Variants in WDR5 observed in about 807,000 individuals in gnomAD.
The protein encoded by WDR5 is WD repeat-containing protein 5.
For missense variants in WDR5, 187 were observed against 416.9 expected, an observed-to-expected ratio of 0.45 and a Z score of 4.80; for synonymous variants, 144 against 161.6, an observed-to-expected ratio of 0.89 and a Z score of 0.83.
chr9:134,150,734 G>A (rs1832447395), intron 8 of WDR5, among the ~76,000 whole-genome samples: 1 of 152,158 alleles, frequency 6.6e-6, no homozygotes, highest in South Asian at 2.1e-4. Flanking sequence ...AGTTACCACG[G>A]TCTCTCAGTT....
intron 12 of WDR5, among the ~76,000 whole-genome samples, chr9:134,156,094 C>G (rs375628063): frequency 3.3e-5 from 5 of 152,234 alleles, no homozygotes; most frequent in Non-Finnish European, 7.3e-5. Flanking sequence ...CCGGGGCTGT[C>G]GTCCACCGGC....
chr9:134,154,911 G>A (rs1292525032), intron 10 of WDR5, among the ~76,000 whole-genome samples: 4 of 152,198 alleles, frequency 2.6e-5, no homozygotes, highest in African/African-American at 9.6e-5. Context: ...CTGCCCTCCT[G>A]GGCTGTTCTC....
rs778781485 is a variant in WDR5 at position 134,142,739 on chromosome 9, A to G, written c.528+20A>G. On this transcript the variant is annotated intron_variant, in intron 7 of 13. Transcript: ENST00000358625. ...TCGGCCGTAAGTCCCTCTGACACGG[A>G]TGGGGTGGTGTCCAGCACTACGTTT... The G allele has an allele frequency of 1.2e-6, 2 of 1,612,852 alleles. No homozygotes were observed. Among genetic ancestry groups the G allele is most frequent in the Non-Finnish European group, 1.7e-6 (2 of 1,178,966 alleles).
chr9:134,145,281 T>G (rs1346253885), intron 7 of WDR5, among the ~76,000 whole-genome samples: 1 of 152,028 alleles, frequency 6.6e-6, no homozygotes, highest in Non-Finnish European at 1.5e-5. Flanking sequence ...GTATTTTTAG[T>G]AGAGACAGGG....
chr9:134,144,936 G>A (rs1832093478), intron 7 of WDR5, among the ~76,000 whole-genome samples: 1 of 151,944 alleles, frequency 6.6e-6, no homozygotes, highest in Non-Finnish European at 1.5e-5. Context: ...GTCCCTCTGT[G>A]GTCTTCTACT....
At chr9:134,142,086 A>G in intron 5 of WDR5, 48 bp downstream of exon 5, 1 of 1,499,014 alleles carries the variant, frequency 6.7e-7, no homozygotes, top group East Asian at 2.6e-5. Context: ...GCTGCAGGGC[A>G]CGGGGCAGGT....
intron 7 of WDR5, among the ~76,000 whole-genome samples, chr9:134,146,533 G>A (rs1248795808): frequency 6.6e-6 from 1 of 152,224 alleles, no homozygotes; most frequent in Non-Finnish European, 1.5e-5. Context: ...ACCGCGCCCG[G>A]CCTCCCTTAT....
intron 2 of WDR5, among the ~76,000 whole-genome samples, chr9:134,140,243 C>G (rs548920164): frequency 6.6e-6 from 1 of 152,158 alleles, no homozygotes; most frequent in African/African-American, 2.4e-5. Context: ...TTGCCCCCAC[C>G]CTGGCTGCGA....
At chr9:134,145,096 G>GTTGTTTTTTTTTTTTTTTTT (rs1554726635) in intron 7 of WDR5, among the ~76,000 whole-genome samples, 1 of 104,664 alleles carries the variant, frequency 9.6e-6, no homozygotes, top group African/African-American at 3.4e-5. Context: ...GTGGGGCTTT[G>GTTGTTTTTTTTTTTTTTTTT]TTTTTTTTTT....
intron 1 of WDR5, among the ~76,000 whole-genome samples, chr9:134,137,573 A>G (rs1831630614): frequency 1.3e-5 from 2 of 151,838 alleles, no homozygotes; most frequent in South Asian, 4.2e-4. Flanking sequence ...AATCCCGGCT[A>G]AACTGGAGGC....
Position 134,142,619 on chromosome 9 carries a change from A to C in WDR5, c.445-17A>C, listed in dbSNP as rs746653378. ...CTCTCCTTCCTGTAAAATCACTGTC[A>C]TCTCTTTTGTGTTCAGTTTGACGAA... On this transcript the variant is annotated splice_polypyrimidine_tract_variant and intron_variant, in intron 6 of 13. Transcript: ENST00000358625. The C allele has an allele frequency of 6.2e-7, 1 of 1,613,976 alleles. No homozygotes were observed. The highest frequency in any genetic ancestry group is 2.2e-5 in the East Asian group (1 of 44,876).
chr9:134,152,074 C>T, intron 9 of WDR5, 45 bp downstream of exon 9: 2 of 1,603,912 alleles, frequency 1.2e-6, no homozygotes, highest in South Asian at 1.1e-5. Context: ...GGGAGGGCCT[C>T]CCCTGCTGGG....
At position 134,143,312 on chromosome 9, in the gene WDR5, G is replaced by A. The variant is rs367689214; in HGVS notation, c.528+593G>A. On this transcript the variant is annotated intron_variant, in intron 7 of 13. Coordinates refer to ENST00000358625, the MANE Select transcript of WDR5 (RefSeq NM_017588.3). ...TCCCAGCACTTTGGGAGGCCGAGGC[G>A]GGTGGATCACTTGAGGTCAGAAGTT... is the stretch of plus-strand genomic sequence containing the variant. Among the ~76,000 whole-genome samples the A allele has an allele frequency of 8.8e-3, 1,334 of 152,280 alleles. 18 individuals are homozygous for A. The highest frequency in any genetic ancestry group is 0.03 in the African/African-American group (1,256 of 41,582).
intron 11 of WDR5, 41 bp downstream of exon 11, chr9:134,155,414 C>G (rs1203789397): frequency 6.3e-7 from 1 of 1,575,062 alleles, no homozygotes; most frequent in East Asian, 2.3e-5. Context: ...TGCACCATCC[C>G]TGGGTCATGG....
intron 5 of WDR5, 31 bp from the exon 6 acceptor site, chr9:134,142,302 C>G: frequency 6.2e-7 from 1 of 1,601,772 alleles, no homozygotes; most frequent in Non-Finnish European, 8.5e-7. Flanking sequence ...GAAATAAGCA[C>G]TGGAATAATC....
chr9:134,155,282 T>A (rs997180992), intron 10 of WDR5, 58 bp from the exon 11 acceptor site: 8 of 1,506,318 alleles, frequency 5.3e-6, no homozygotes, highest in Non-Finnish European at 1.8e-6. Flanking sequence ...CAGAGTTGGG[T>A]GTGGGGACAG....
At chr9:134,145,096 G>GTTTTTTGTTTTT (rs1316019740) in intron 7 of WDR5, among the ~76,000 whole-genome samples, 8,157 of 104,390 alleles carry the variant, frequency 0.078, 757 homozygotes, top group South Asian at 0.14. Flanking sequence ...GTGGGGCTTT[G>GTTTTTTGTTTTT]TTTTTTTTTT....
chr9:134,141,757 A>T (rs925688817), intron 4 of WDR5, among the ~76,000 whole-genome samples, 174 bp downstream of exon 4: 2 of 152,062 alleles, frequency 1.3e-5, no homozygotes, highest in Non-Finnish European at 2.9e-5. Flanking sequence ...TTTGACTTCC[A>T]TGGAGGAGTG....
In WDR5 at chr9:134,158,064, G is replaced by A. The variant is rs536443726; in HGVS notation, c.*71G>A. On this transcript the variant is annotated 3_prime_UTR_variant, in exon 14 of 14. Transcript: ENST00000358625. ...GATTGGCAAGAAACAGGGTGTCTTG[G>A]AGGTGGTCCCCCAGATCTGCGCCTG... The A allele has an allele frequency of 2.1e-4, 306 of 1,427,280 alleles. No homozygotes were observed. Among genetic ancestry groups the A allele is most frequent in the Non-Finnish European group, 2.9e-4 (290 of 1,014,460 alleles). 88.4% of individuals were successfully genotyped at this position (1,427,280 alleles called of 1,614,324 possible).
Sources: gnomAD v4.1 joint callset for allele counts (sites outside exome capture counted in the v4.1 genomes callset) on GRCh38, gnomAD v4.1.1 for gene constraint, MANE v1.5 for transcripts, NCBI Gene and HGNC (gene_info 2026-07-23, HGNC 2026-07-21) for gene names.